The following CD40LG variants were observed in gnomAD, a reference collection of about 807,000 sequenced individuals.
CD40LG encodes CD40 ligand.
Under a neutral mutation model 17.2 loss-of-function variants are expected in CD40LG, and 1 was observed. The observed-to-expected ratio is 0.06, with a 90% CI of 0.02 to 0.28. The LOEUF (loss-of-function observed/expected upper bound fraction) is 0.28, where lower values mean the gene tolerates loss of function less well. CD40LG is among the 10% of genes least tolerant of loss of function. The pLI, the probability that CD40LG is intolerant of heterozygous loss-of-function variation, is 1.00. For missense variants in CD40LG, 133 were observed against 193.2 expected, an observed-to-expected ratio of 0.69 and a Z score of 1.85; for synonymous variants, 66 against 74.4, an observed-to-expected ratio of 0.89 and a Z score of 0.58.
chrX:136,657,172 G>A (rs188200436), intron 4 of CD40LG, among the ~76,000 whole-genome samples: 1 of 111,888 alleles, frequency 8.9e-6, no homozygotes, highest in Non-Finnish European at 1.9e-5. Flanking sequence ...CCGGAATGGA[G>A]TTCTAAGCAG....
At chrX:136,651,685 T>C (rs1207893852) in intron 2 of CD40LG, among the ~76,000 whole-genome samples, 1 of 112,337 alleles carries the variant, frequency 8.9e-6, no homozygotes, top group Non-Finnish European at 1.9e-5. Flanking sequence ...GTTACCAGTT[T>C]AAATGTGAAT....
chrX:136,658,510 A>G (rs2076125112), intron 4 of CD40LG, among the ~76,000 whole-genome samples: 1 of 111,985 alleles, frequency 8.9e-6, no homozygotes, highest in Admixed American at 9.5e-5. Context: ...GGTTTGCAAC[A>G]GCATGATCAG....
At chrX:136,656,451 C>T (rs2076119398) in intron 4 of CD40LG, 33 bp downstream of exon 4, 1 of 1,131,247 alleles carries the variant, frequency 8.8e-7, no homozygotes, top group African/African-American at 1.8e-5. Flanking sequence ...GGTAGCCACC[C>T]AAGGGGAAAG....
chrX:136,652,440 C>G (rs968645765), intron 2 of CD40LG, among the ~76,000 whole-genome samples: 1 of 111,897 alleles, frequency 8.9e-6, no homozygotes, highest in Admixed American at 9.5e-5. Flanking sequence ...GGGCCACAGT[C>G]TGGCTGCACC....
rs376406003 is a variant in CD40LG, at chrX:136,650,352, A to C, written c.243A>C (p.Leu81Phe). 1 of 1,203,144 alleles carries C rather than the reference A, an allele frequency of 8.3e-7. No homozygotes were observed. The highest frequency in any genetic ancestry group is 1.8e-5 in the African/African-American group (1 of 56,971). Residue 81 changes from leucine (L) to phenylalanine (F), a missense_variant, in exon 2 of 5, where the codon TTA (leucine) becomes TTC (phenylalanine). Leu to Phe is a conservative substitution (Grantham distance 22). Transcript: ENST00000370629. ...RCNTGERSLS[L>F]LNCEEIKSQF... is the part of the protein sequence containing the mutation. ...ACACAGGAGAAAGATCCTTATCCTT[A>C]CTGAACTGTGAGGAGATTAAAAGCC...
chrX:136,651,847 T>G (rs972929070), intron 2 of CD40LG, among the ~76,000 whole-genome samples: 8 of 111,791 alleles, frequency 7.2e-5, no homozygotes, highest in African/African-American at 2.6e-4. Flanking sequence ...CACTATCAGC[T>G]CTGACATTCT....
In CD40LG at chrX:136,651,451, C is replaced by A. The variant is rs184018995; in HGVS notation, c.288+1054C>A. Among the ~76,000 whole-genome samples the A allele has an allele frequency of 5.4e-5, 6 of 111,824 alleles. No homozygotes were observed. In the East Asian group the frequency reaches 1.7e-3, roughly 31 times the overall value. Reference sequence around the variant, plus strand: ...GCCCTCCTGTACTGTCACCGAGGTGCCATTTAATTCATTAGTGAAGACTCT... The same window carrying A: ...GCCCTCCTGTACTGTCACCGAGGTGACATTTAATTCATTAGTGAAGACTCT... On this transcript the variant is annotated intron_variant, in intron 2 of 4. Transcript: ENST00000370629.
In CD40LG at chrX:136,659,310, A is replaced by G. The variant is rs1330615107; in HGVS notation, c.681A>G (p.Gly227=). ...GGCAACAATCCATTCACTTGGGAGG[A>G]GTATTTGAATTGCAACCAGGTGCTT... The part of the protein sequence containing the change: ...PCGQQSIHLG[G]VFELQPGASV... The change falls in exon 5 of 5, where the codon GGA becomes GGG. Residue 227 remains glycine (G), a synonymous_variant. Coordinates refer to ENST00000370629, the MANE Select transcript of CD40LG (RefSeq NM_000074.3). 8.3e-7 allele frequency: 1 copy of G among 1,210,834 alleles called. No individual in the cohort carries two copies.
intron 4 of CD40LG, among the ~76,000 whole-genome samples, chrX:136,657,524 A>C (rs1378540878): frequency 9.0e-6 from 1 of 111,730 alleles, no homozygotes; most frequent in Non-Finnish European, 1.9e-5. Flanking sequence ...AGTGCTGTAC[A>C]ACCGTAAGGT....
chrX:136,658,932 T>C (rs781476664), intron 4 of CD40LG, 107 bp from the exon 5 acceptor site: 2 of 871,984 alleles, frequency 2.3e-6, no homozygotes, highest in South Asian at 4.2e-5. Flanking sequence ...GCCTTGAGAA[T>C]CCATCCCTAT....
intron 1 of CD40LG, among the ~76,000 whole-genome samples, chrX:136,649,755 T>C (rs750345442): frequency 1.1e-4 from 12 of 112,912 alleles, no homozygotes; most frequent in Admixed American, 2.8e-4. Context: ...TCTTTAAAAA[T>C]GCAAATGTTT....
At chrX:136,649,413 T>C (rs2076097915) in intron 1 of CD40LG, among the ~76,000 whole-genome samples, 1 of 112,461 alleles carries the variant, frequency 8.9e-6, no homozygotes, top group African/African-American at 3.2e-5. Context: ...ATATTAGGTT[T>C]CACTGCTGAC....
At position 136,659,327 on chromosome X, in the gene CD40LG, C is replaced by T. The variant is rs758401320; in HGVS notation, c.698C>T (p.Pro233Leu). The T allele has an allele frequency of 3.3e-6, 4 of 1,210,640 alleles. No homozygotes were observed. Among genetic ancestry groups the T allele is most frequent in the Non-Finnish European group, 1.1e-6 (1 of 894,743 alleles). ...IHLGGVFELQPGASVFVNVTD... is the reference protein window; with the variant it reads ...IHLGGVFELQLGASVFVNVTD... ...TTGGGAGGAGTATTTGAATTGCAAC[C>T]AGGTGCTTCGGTGTTTGTCAATGTG... The change falls in exon 5 of 5, where the codon CCA (proline) becomes CTA (leucine). Residue 233 changes from proline (P) to leucine (L), a missense_variant. Pro to Leu is a moderately conservative substitution (Grantham distance 98). Transcript: ENST00000370629.
chrX:136,657,498 G>A (rs1001714115), intron 4 of CD40LG, among the ~76,000 whole-genome samples: 11 of 111,645 alleles, frequency 9.9e-5, no homozygotes, highest in African/African-American at 2.6e-4. Context: ...TAATGTGGCC[G>A]AAAGTGATGC....
chrX:136,648,299 GC>G lies in CD40LG; in HGVS notation c.54del (p.Ile19SerfsTer3). The G allele has an allele frequency of 8.3e-7, 1 of 1,200,494 alleles. No individual in the cohort carries two copies. The highest frequency in any genetic ancestry group is 1.1e-6 in the Non-Finnish European group (1 of 885,329). ...CTCCCCGATCTGCGGCCACTGGACT[GC>G]CCATCAGCATGAAAATTTTTATGTA... ...TSPRSAATGL[P>X]ISMKIFMYLL... On this transcript the variant is annotated frameshift_variant, in exon 1 of 5. Transcript: ENST00000370629. LOFTEE classifies it high-confidence loss of function.
rs746052549 is a variant in CD40LG, at chrX:136,656,396, G to A, written c.387G>A (p.Glu129=). The A allele has an allele frequency of 4.1e-6, 5 of 1,207,862 alleles. No homozygotes were observed. The East Asian group carries it at 8.9e-5, about 21-fold the overall frequency. ...AAATTGCGGCACATGTCATAAGTGA[G>A]GCCAGCAGTAAAACAACATCTGGTA... The part of the protein sequence containing the change: ...NPQIAAHVIS[E]ASSKTTSVLQ... Residue 129 remains glutamate, a synonymous_variant, in exon 4 of 5, where the codon GAG becomes GAA. Coordinates refer to ENST00000370629, the MANE Select transcript of CD40LG (RefSeq NM_000074.3).
intron 3 of CD40LG, among the ~76,000 whole-genome samples, chrX:136,656,155 C>T (rs973440769): frequency 8.9e-6 from 1 of 111,948 alleles, no homozygotes; most frequent in African/African-American, 3.2e-5. Context: ...AGAATGAGAC[C>T]GATGGAAACA....
At chrX:136,655,748 C>T (rs1370216535) in intron 3 of CD40LG, among the ~76,000 whole-genome samples, 1 of 111,922 alleles carries the variant, frequency 8.9e-6, no homozygotes, top group African/African-American at 3.2e-5. Flanking sequence ...TAGAAGTCTT[C>T]AGGGAAATGA....
chrX:136,659,613 T>G lies in CD40LG; in HGVS notation c.*198T>G. Reference sequence around the variant, plus strand: ...GGTCACATGAAACCAAAACGGGCCCTGCTCCATAAGAGCTTATATATCTGA... The same window carrying G: ...GGTCACATGAAACCAAAACGGGCCCGGCTCCATAAGAGCTTATATATCTGA... On this transcript the variant is annotated 3_prime_UTR_variant, in exon 5 of 5. Coordinates refer to ENST00000370629, the MANE Select transcript of CD40LG (RefSeq NM_000074.3). 174 of 407,665 alleles carry G rather than the reference T, an allele frequency of 4.3e-4. No individual in the cohort carries two copies. Among genetic ancestry groups the G allele is most frequent in the Middle Eastern group, 6.9e-4 (1 of 1,444 alleles). The allele number at this position is 407,665 out of a possible 1,213,427, so 33.6% of individuals were successfully genotyped here.
Sources: allele counts gnomAD v4.1 joint callset (sites outside exome capture counted in the v4.1 genomes callset), GRCh38; gene constraint gnomAD v4.1.1; transcripts MANE v1.5; gene names NCBI Gene and HGNC (gene_info 2026-07-23, HGNC 2026-07-21).